NDUFA10: variants seen among roughly 807,000 people sequenced by gnomAD.
NDUFA10 encodes NADH:ubiquinone oxidoreductase subunit A10.
Under a neutral mutation model 47.8 loss-of-function variants are expected in NDUFA10, and 40 were observed. That is an observed-to-expected ratio of 0.84 (90% confidence interval 0.65 to 1.09). The LOEUF is 1.09. Ranked by LOEUF, NDUFA10 falls within the 50% of genes least tolerant of loss-of-function variation. The pLI is 0.00. For missense variants in NDUFA10, 413 were observed against 451.1 expected (o/e 0.92, Z 0.76); for synonymous variants, 183 against 172.2 (o/e 1.06, Z -0.49).
intron 4 of NDUFA10, among the ~76,000 whole-genome samples, chr2:239,905,269 T>C (rs1192747080): frequency 6.6e-6 from 1 of 152,188 alleles, no homozygotes; most frequent in Non-Finnish European, 1.5e-5. Flanking sequence ...GGCCACCACA[T>C]GGAAGGACAA....
rs1694801517 is a variant in NDUFA10 at position 239,960,401 on chromosome 2, C to T, written c.*717G>A. The T allele has an allele frequency of 1.0e-6, 1 of 986,144 alleles. No homozygotes were observed. The highest frequency in any genetic ancestry group is 1.7e-5 in the African/African-American group (1 of 57,356). 61.1% of individuals were successfully genotyped at this position (986,144 alleles called of 1,614,324 possible). On this transcript the variant is annotated 3_prime_UTR_variant, in exon 10 of 10. Coordinates refer to ENST00000252711, the MANE Select transcript of NDUFA10 (RefSeq NM_004544.4). ...AAGAGAGTATATTATTTTGCTTTTG[C>T]ATCTTATGTCATCAACAGCCTAAGC...
chr2:239,906,225 C>G lies in NDUFA10; in HGVS notation c.295-10911G>C, dbSNP rs181504526. Reference sequence around the variant, plus strand: ...CCTCCAGGTGGTTGGAAATATTACCCGGAAGGAAGTCAGTATATAATTAAA... The same window carrying G: ...CCTCCAGGTGGTTGGAAATATTACCGGGAAGGAAGTCAGTATATAATTAAA... On this transcript the variant is annotated intron_variant, in intron 4 of 5. Transcript: ENST00000419408. The surrounding 1 kb of genome is among the most constrained non-coding windows in gnomAD (Gnocchi z 4.3). Among the ~76,000 whole-genome samples, 1 of 152,244 alleles carries G rather than the reference C, an allele frequency of 6.6e-6. No individual in the cohort carries two copies. Among genetic ancestry groups the G allele is most frequent in the Admixed American group, 6.5e-5 (1 of 15,298 alleles).
chr2:239,980,391 C>T (rs1440421132), intron 9 of NDUFA10, among the ~76,000 whole-genome samples: 1 of 152,178 alleles, frequency 6.6e-6, no homozygotes, highest in Non-Finnish European at 1.5e-5. Context: ...TGGGATAGAA[C>T]TCAGATTAAA....
intron 9 of NDUFA10, among the ~76,000 whole-genome samples, chr2:239,981,513 C>A (rs1695772119): frequency 6.6e-6 from 1 of 152,304 alleles, no homozygotes; most frequent in Non-Finnish European, 1.5e-5. Flanking sequence ...AAATTCAAAT[C>A]TAGACCCATC....
chr2:239,956,403 G>A (rs1694653826), downstream of NDUFA10, among the ~76,000 whole-genome samples: 1 of 152,138 alleles, frequency 6.6e-6, no homozygotes, highest in Non-Finnish European at 1.5e-5. Flanking sequence ...CAAAGCGTGG[G>A]GCCTGAGCAC....
chr2:239,924,417 C>G (rs1694037408), intron 4 of NDUFA10, among the ~76,000 whole-genome samples: 1 of 151,868 alleles, frequency 6.6e-6, no homozygotes, highest in Non-Finnish European at 1.5e-5. Context: ...ACACCATCAA[C>G]AGGTAAACAG....
At chr2:239,911,674 TGTGTGC>T (rs1165484603) in intron 4 of NDUFA10, among the ~76,000 whole-genome samples, 1 of 150,836 alleles carries the variant, frequency 6.6e-6, no homozygotes, top group Non-Finnish European at 1.5e-5. Context: ...TGAGAGAGTG[TGTGTGC>T]GTGTGTGTGT....
chr2:239,995,791 A>C (rs1467385988), intron 8 of NDUFA10, among the ~76,000 whole-genome samples: 2 of 152,234 alleles, frequency 1.3e-5, no homozygotes, highest in Non-Finnish European at 2.9e-5. Context: ...TGGCTATATT[A>C]AATTCAGATA....
chr2:240,008,837 G>T (rs1242444324), intron 6 of NDUFA10, among the ~76,000 whole-genome samples: 1 of 152,226 alleles, frequency 6.6e-6, no homozygotes, highest in African/African-American at 2.4e-5. Flanking sequence ...GCAACCTGGA[G>T]AGTCCATTTT....
chr2:239,913,258 C>T (rs1023506790), intron 4 of NDUFA10, among the ~76,000 whole-genome samples: 5 of 152,232 alleles, frequency 3.3e-5, no homozygotes, highest in Non-Finnish European at 7.3e-5. Context: ...AGGTGGGAGT[C>T]GTAGCTGACT....
chr2:239,913,174 C>A (rs143803128), intron 4 of NDUFA10, among the ~76,000 whole-genome samples: 15 of 152,368 alleles, frequency 9.8e-5, no homozygotes, highest in African/African-American at 3.4e-4. Flanking sequence ...TCCTCCTCTG[C>A]CAGCTGGTTG....
chr2:239,923,496 GAAAATTA>G (rs1694021594), intron 4 of NDUFA10, among the ~76,000 whole-genome samples: 1 of 152,064 alleles, frequency 6.6e-6, no homozygotes, highest in African/African-American at 2.4e-5. Flanking sequence ...CAAAGCACTT[GAAAATTA>G]AACAACAGAT....
chr2:239,954,902 G>A (rs976880895), downstream of NDUFA10, among the ~76,000 whole-genome samples: 3 of 152,122 alleles, frequency 2.0e-5, no homozygotes, highest in Non-Finnish European at 4.4e-5. Context: ...ACTGCCGCCC[G>A]ACCTGCCGCT....
At chr2:239,991,181 G>A (rs186863910) in intron 8 of NDUFA10, among the ~76,000 whole-genome samples, 187 of 152,208 alleles carry the variant, frequency 1.2e-3, no homozygotes, top group African/African-American at 4.0e-3. Flanking sequence ...CAAGGCTCAC[G>A]GGATCCATGA....
chr2:239,959,222 C>T lies in NDUFA10; in HGVS notation c.*1896G>A, dbSNP rs1694747713. ...CAAACACAGGGGATGATCAGAGCAC[C>T]CGAGTCCACACCATGCCGACACGGA... On this transcript the variant is annotated 3_prime_UTR_variant, in exon 10 of 10. Coordinates refer to ENST00000252711, the MANE Select transcript of NDUFA10 (RefSeq NM_004544.4). 1 of 985,056 alleles carries T rather than the reference C, an allele frequency of 1.0e-6. No homozygotes were observed. Among genetic ancestry groups the T allele is most frequent in the Admixed American group, 6.2e-5 (1 of 16,250 alleles). 61.0% of individuals were successfully genotyped at this position (985,056 alleles called of 1,614,324 possible). A position where few individuals can be genotyped will look rare whatever the true frequency, so the allele number is the denominator to read the frequency against.
rs527293564 is a variant in NDUFA10, at chr2:239,987,769, G to A, written c.999+2305C>T. ...AGGCAGAGCTGCCGAGCACAGCTCC[G>A]AACAGTCGCAGATGCCTGTGGGACT... On this transcript the variant is annotated intron_variant, in intron 9 of 9. Transcript: ENST00000252711. This position sits in a 1 kb window ranked among gnomAD's most constrained non-coding sequence, Gnocchi z 4.8. 3.9e-5 allele frequency among the ~76,000 whole-genome samples: 6 copies of A among 152,322 alleles called. No homozygotes were observed. Among genetic ancestry groups the A allele is most frequent in the South Asian group, 2.1e-4 (1 of 4,828 alleles).
In NDUFA10 at chr2:239,990,175, C is replaced by A; in HGVS notation, c.898G>T (p.Asp300Tyr). The A allele has an allele frequency of 6.2e-7, 1 of 1,611,566 alleles. No individual in the cohort carries two copies. Among genetic ancestry groups the A allele is most frequent in the Non-Finnish European group, 8.5e-7 (1 of 1,177,738 alleles). ...TLYHLRLLVQ[D>Y]KFEVLNYTSI... ...GTGTAATTCAGCACCTCAAACTTATCCTGAACCCTAAAAAATAAGACACAT... is the reference window on the plus strand; with the variant it reads ...GTGTAATTCAGCACCTCAAACTTATACTGAACCCTAAAAAATAAGACACAT... Residue 300 changes from aspartate (D) to tyrosine (Y), a missense_variant, in exon 9 of 10, where the codon GAT becomes TAT. Physicochemically the swap from Asp to Tyr is radical, Grantham distance 160 (BLOSUM62 -3). Transcript: ENST00000252711.
intron 4 of NDUFA10, among the ~76,000 whole-genome samples, chr2:239,938,695 T>C (rs970383855): frequency 3.3e-5 from 5 of 152,042 alleles, no homozygotes; most frequent in East Asian, 1.9e-4. Context: ...CTTGCGCAGA[T>C]GCCGGCAGAG....
At chr2:239,916,731 G>C (rs1384405374) in intron 4 of NDUFA10, among the ~76,000 whole-genome samples, 1 of 152,254 alleles carries the variant, frequency 6.6e-6, no homozygotes, top group Non-Finnish European at 1.5e-5. Context: ...TGCCACCTCT[G>C]GGGTGGAAGG....
Sources: gnomAD v4.1 joint callset for allele counts (sites outside exome capture counted in the v4.1 genomes callset) on GRCh38, gnomAD v4.1.1 for gene constraint, Gnocchi (gnomAD v3.1) non-coding constraint, MANE v1.5 for transcripts, NCBI Gene and HGNC (gene_info 2026-07-23, HGNC 2026-07-21) for gene names.